MKKS: variants seen among roughly 807,000 people sequenced by gnomAD.
The protein encoded by MKKS is molecular chaperone MKKS.
A neutral mutation model predicts 33.2 loss-of-function variants in MKKS; 29 were observed. That is an observed-to-expected ratio of 0.87 (90% CI 0.65 to 1.19). MKKS has a LOEUF of 1.19. Among genes scored for constraint, MKKS ranks in the 50% most tolerant of loss-of-function variants. The pLI is 0.00. For synonymous variants in MKKS, 260 were observed against 244.0 expected, an observed-to-expected ratio of 1.07 and a Z score of -0.61; for missense variants, 661 against 662.3, an observed-to-expected ratio of 1.00 and a Z score of 0.02.
chr20:10,405,614 G>A lies in MKKS; in HGVS notation c.1346C>T (p.Ala449Val). 1 of 1,614,092 alleles carries A rather than the reference G, an allele frequency of 6.2e-7. No individual in the cohort carries two copies. The highest frequency in any genetic ancestry group is 8.5e-7 in the Non-Finnish European group (1 of 1,179,972). ...TQTELQLIAE[A>V]FCSALESVVG... ...AACAGATTCTAGGGCACTGCAAAAT[G>A]CTTCAGCAATTAATTGAAGTTCTGT... Residue 449 changes from alanine (A) to valine (V), a missense_variant, in exon 6 of 6, where the codon GCA (alanine) becomes GTA (valine). Transcript: ENST00000347364.
chr20:10,410,201 A>G (rs947545393), intron 3 of MKKS, among the ~76,000 whole-genome samples: 1 of 152,132 alleles, frequency 6.6e-6, no homozygotes, highest in South Asian at 2.1e-4. Flanking sequence ...ATTCTGCATG[A>G]GAAGGCCGGC....
At chr20:10,428,838 C>G (rs3827971) in intron 1 of MKKS, among the ~76,000 whole-genome samples, 4 of 126,562 alleles carry the variant, frequency 3.2e-5, no homozygotes, top group African/African-American at 1.4e-4. Flanking sequence ...AGCAAGACTC[C>G]GTCTCAATAA....
intron 3 of MKKS, among the ~76,000 whole-genome samples, chr20:10,411,297 T>C (rs946158264): frequency 3.3e-5 from 5 of 152,030 alleles, no homozygotes; most frequent in African/African-American, 1.2e-4. Flanking sequence ...TCTGTTTTTT[T>C]AGATGTAGTC....
chr20:10,405,719 A>G, intron 5 of MKKS, 32 bp from the exon 6 acceptor site: 1 of 1,516,296 alleles, frequency 6.6e-7, no homozygotes, highest in Non-Finnish European at 9.2e-7. Flanking sequence ...GAAAACACAT[A>G]CAAAGCAATT....
chr20:10,405,181 C>A lies in MKKS; in HGVS notation c.*66G>T, dbSNP rs1568662414. 3.0e-6 allele frequency: 4 copies of A among 1,319,198 alleles called. No individual in the cohort carries two copies. The highest frequency in any genetic ancestry group is 1.0e-6 in the Non-Finnish European group (1 of 957,352). 81.7% of individuals were successfully genotyped at this position (1,319,198 alleles called of 1,614,324 possible). A position where few individuals can be genotyped will look rare whatever the true frequency, so the allele number is the denominator to read the frequency against. ...CTTTGGGAGAAAACAAATACACTCA[C>A]AATTTTTCTCAATTGCCAACAGACT... On this transcript the variant is annotated 3_prime_UTR_variant, in exon 6 of 6. Coordinates refer to ENST00000347364, the MANE Select transcript of MKKS (RefSeq NM_170784.3).
In MKKS at chr20:10,412,715, G is replaced by T; in HGVS notation, c.800C>A (p.Ser267Tyr). The T allele has an allele frequency of 6.2e-7, 1 of 1,614,162 alleles. No homozygotes were observed. The highest frequency in any genetic ancestry group is 8.5e-7 in the Non-Finnish European group (1 of 1,180,016). ...CTGGTCCAAGACTGCATTTTCAAGA[G>T]AAACCCCATAACTGACCACCACAGT... ...EGTVVVSYGV[S>Y]LENAVLDQLL... The change falls in exon 3 of 6, where the codon TCT becomes TAT. Residue 267 changes from serine to tyrosine, a missense_variant. Coordinates refer to ENST00000347364, the MANE Select transcript of MKKS (RefSeq NM_170784.3).
chr20:10,426,274 C>G (rs1034652894), intron 1 of MKKS, among the ~76,000 whole-genome samples: 3 of 152,206 alleles, frequency 2.0e-5, no homozygotes, highest in African/African-American at 7.2e-5. Flanking sequence ...AGAATTAGTG[C>G]CCCAGCTTGG....
chr20:10,416,379 G>T (rs1233271397), intron 2 of MKKS, among the ~76,000 whole-genome samples: 1 of 151,976 alleles, frequency 6.6e-6, no homozygotes, highest in Non-Finnish European at 1.5e-5. Flanking sequence ...CAAAAGTAAG[G>T]ATGTTATTAA....
intron 4 of MKKS, 90 bp from the exon 5 acceptor site, chr20:10,407,816 G>GA (rs2122224227): frequency 1.0e-6 from 1 of 975,864 alleles, no homozygotes; most frequent in African/African-American, 1.6e-5. Flanking sequence ...AGTGAATACA[G>GA]AGAGTGTGAT....
Position 10,412,672 on chromosome 20 carries a change from C to T in MKKS, c.843G>A (p.Arg281=). ...GATCTACGTGGTCACTGATTAGCTGCCTTCCTAGGTTAAGCAGCTGGTCCA... is the reference window on the plus strand; with the variant it reads ...GATCTACGTGGTCACTGATTAGCTGTCTTCCTAGGTTAAGCAGCTGGTCCA... ...AVLDQLLNLG[R]QLISDHVDLV... is the part of the protein sequence containing the mutation. Residue 281 remains arginine, a synonymous_variant, in exon 3 of 6, where the codon AGG becomes AGA. Coordinates refer to ENST00000347364, the MANE Select transcript of MKKS (RefSeq NM_170784.3). 1.9e-6 allele frequency: 3 copies of T among 1,614,124 alleles called. No homozygotes were observed. Among genetic ancestry groups the T allele is most frequent in the African/African-American group, 1.3e-5 (1 of 75,030 alleles).
rs1354383802 is a variant in MKKS at position 10,431,908 on chromosome 20, C to A, written c.-649+2200G>T. On this transcript the variant is annotated intron_variant, in intron 1 of 5. Coordinates refer to ENST00000347364, the MANE Select transcript of MKKS (RefSeq NM_170784.3). Reference sequence around the variant, plus strand: ...GAGAGCCTTTCTCTCAGCACTCAACCTAAAGTGTTTTCCCTCTCCCTCCCC... The same window carrying A: ...GAGAGCCTTTCTCTCAGCACTCAACATAAAGTGTTTTCCCTCTCCCTCCCC... 3 of 150,948 alleles carry A rather than the reference C, an allele frequency of 2.0e-5. No individual in the cohort carries two copies. In the South Asian group the frequency reaches 6.3e-4, roughly 31 times the overall value. The allele number at this position is 150,948 out of a possible 1,614,324, so 9.4% of individuals were successfully genotyped here. A position where few individuals can be genotyped will look rare whatever the true frequency, so the allele number is the denominator to read the frequency against.
intron 1 of MKKS, among the ~76,000 whole-genome samples, chr20:10,429,598 A>C (rs547982204): frequency 4.6e-5 from 7 of 152,320 alleles, no homozygotes; most frequent in African/African-American, 1.4e-4. Flanking sequence ...TCGTTAACAA[A>C]AAGCATCATC....
chr20:10,408,783 G>C lies in MKKS; in HGVS notation c.1006C>G (p.Leu336Val), dbSNP rs759986531. ...TAACTATTAGGACATATTGAGCCTA[G>C]GGATCCAATAGGCTGTGTTCCTATT... is the stretch of plus-strand genomic sequence containing the variant. ...KMTGTQPIGS[L>V]GSICPNSYGS... Residue 336 changes from leucine to valine, a missense_variant, in exon 4 of 6, where the codon CTA becomes GTA. Physicochemically the swap from Leu to Val is conservative, Grantham distance 32. Coordinates refer to ENST00000347364, the MANE Select transcript of MKKS (RefSeq NM_170784.3). 11 of 1,613,132 alleles carry C rather than the reference G, an allele frequency of 6.8e-6. No individual in the cohort carries two copies. The highest frequency in any genetic ancestry group is 2.2e-5 in the East Asian group (1 of 44,858).
intron 1 of MKKS, among the ~76,000 whole-genome samples, chr20:10,429,948 T>G (rs915747776): frequency 1.3e-5 from 2 of 152,224 alleles, no homozygotes; most frequent in Non-Finnish European, 2.9e-5. Context: ...TAGGTAATTC[T>G]GAAGCTAAAG....
At chr20:10,416,005 C>G (rs892426204) in intron 2 of MKKS, among the ~76,000 whole-genome samples, 2 of 152,172 alleles carry the variant, frequency 1.3e-5, no homozygotes, top group African/African-American at 4.8e-5. Context: ...AACCAAACCA[C>G]TGGGGCTGGT....
intron 2 of MKKS, among the ~76,000 whole-genome samples, chr20:10,417,265 A>C (rs2064945791): frequency 7.6e-6 from 1 of 131,808 alleles, no homozygotes; most frequent in Admixed American, 7.7e-5. Flanking sequence ...AAAAAAAAAA[A>C]TCAAAGGGGA....
Position 10,418,141 on chromosome 20 carries a change from T to C in MKKS, c.-418+2387A>G, listed in dbSNP as rs139569452. On this transcript the variant is annotated intron_variant, in intron 2 of 5. Coordinates refer to ENST00000347364, the MANE Select transcript of MKKS (RefSeq NM_170784.3). ...AATGTGTTTGTGTATGTGTGTTTAT[T>C]CTTACTGTTAAAGACACATACAAAA... Among the ~76,000 whole-genome samples, 365 of 152,358 alleles carry C rather than the reference T, an allele frequency of 2.4e-3. 2 individuals carry two copies. Among genetic ancestry groups the C allele is most frequent in the Non-Finnish European group, 3.0e-3 (204 of 68,036 alleles).
chr20:10,414,235 G>C (rs999740407), intron 2 of MKKS, among the ~76,000 whole-genome samples: 1 of 150,276 alleles, frequency 6.7e-6, no homozygotes, highest in African/African-American at 2.4e-5. Context: ...GAAATGCTAC[G>C]ATATAAAACA....
At chr20:10,405,921 G>A (rs1303308082) in intron 5 of MKKS, among the ~76,000 whole-genome samples, 2 of 152,120 alleles carry the variant, frequency 1.3e-5, no homozygotes, top group Non-Finnish European at 2.9e-5. Flanking sequence ...TACCAGTCAT[G>A]TTACCAGAAT....
Sources: allele counts gnomAD v4.1 joint callset (sites outside exome capture counted in the v4.1 genomes callset), GRCh38; gene constraint gnomAD v4.1.1; transcripts MANE v1.5; gene names NCBI Gene and HGNC (gene_info 2026-07-23, HGNC 2026-07-21).